ANKRD29: variants seen among roughly 807,000 people sequenced by gnomAD.
ANKRD29 encodes the protein ankyrin repeat domain 29, also known as ankyrin repeat domain-containing protein 29.
Under a neutral mutation model 38.0 loss-of-function variants are expected in ANKRD29, and 32 were observed. The observed-to-expected ratio is 0.84, with a 90% CI of 0.64 to 1.13. The LOEUF is 1.13. ANKRD29 is among the 50% of genes most tolerant of loss of function. The probability of loss-of-function intolerance (pLI) is 0.00; values close to 1 mark genes in which losing one functional copy is unlikely to be tolerated. For synonymous variants in ANKRD29, 135 were observed against 152.4 expected (o/e 0.89, Z 0.84); for missense variants, 357 against 377.9 (o/e 0.94, Z 0.46).
chr18:23,655,425 A>G (rs1417652136), intron 1 of ANKRD29, among the ~76,000 whole-genome samples: 1 of 152,132 alleles, frequency 6.6e-6, no homozygotes, highest in Non-Finnish European at 1.5e-5. Context: ...ACCCTGAAGG[A>G]AATATGAAAT....
intron 3 of ANKRD29, among the ~76,000 whole-genome samples, chr18:23,645,931 T>C (rs1568043441): frequency 6.7e-6 from 1 of 148,652 alleles, no homozygotes; most frequent in African/African-American, 2.5e-5. Flanking sequence ...TTAAGCTTGA[T>C]AAAAAAAAAA....
At chr18:23,657,581 C>T (rs769641396) in intron 1 of ANKRD29, among the ~76,000 whole-genome samples, 25 of 152,218 alleles carry the variant, frequency 1.6e-4, no homozygotes, top group Non-Finnish European at 2.5e-4. Context: ...AACAATCACT[C>T]GCCATCCCCT....
intron 1 of ANKRD29, among the ~76,000 whole-genome samples, chr18:23,657,870 T>C (rs553563900): frequency 6.6e-6 from 1 of 152,318 alleles, no homozygotes; most frequent in East Asian, 1.9e-4. Flanking sequence ...ACCACCAATG[T>C]CTTGCGAGCC....
chr18:23,616,775 TATA>T (rs2059728433), intron 8 of ANKRD29, among the ~76,000 whole-genome samples: 1 of 147,030 alleles, frequency 6.8e-6, no homozygotes, highest in Non-Finnish European at 1.5e-5. Flanking sequence ...TTACTATTAA[TATA>T]ATAAATAATA....
chr18:23,655,166 AG>A (rs2060262845), intron 1 of ANKRD29, among the ~76,000 whole-genome samples: 1 of 149,252 alleles, frequency 6.7e-6, no homozygotes, highest in South Asian at 2.2e-4. Flanking sequence ...TAAAATTTTA[AG>A]CCCCCCCACT....
intron 6 of ANKRD29, among the ~76,000 whole-genome samples, chr18:23,622,250 G>A (rs2059805750): frequency 6.6e-6 from 1 of 152,184 alleles, no homozygotes; most frequent in African/African-American, 2.4e-5. Context: ...GCTTGGACAG[G>A]CATGGCTCCT....
chr18:23,633,584 G>A (rs543382857), intron 5 of ANKRD29, among the ~76,000 whole-genome samples: 21 of 152,082 alleles, frequency 1.4e-4, no homozygotes, highest in African/African-American at 3.6e-4. Flanking sequence ...ATTTTTTGTC[G>A]GTGGGGGACA....
Position 23,662,827 on chromosome 18 carries a change from G to T in ANKRD29, c.-97C>A. On this transcript the variant is annotated 5_prime_UTR_variant, in exon 1 of 10. It adds an upstream start codon to the 5' untranslated region. Coordinates refer to ENST00000592179, the MANE Select transcript of ANKRD29 (RefSeq NM_173505.4). ...CTCCCGGGGCTCTCGGCGTTCCGCAGAGGGGCGGCCTCCGACGCCGCGCGC... is the reference window on the plus strand; with the variant it reads ...CTCCCGGGGCTCTCGGCGTTCCGCATAGGGGCGGCCTCCGACGCCGCGCGC... 3.5e-6 allele frequency: 4 copies of T among 1,140,406 alleles called. No homozygotes were observed. Among genetic ancestry groups the T allele is most frequent in the South Asian group, 3.7e-5 (1 of 27,196 alleles). The allele number at this position is 1,140,406 out of a possible 1,614,324, so 70.6% of individuals were successfully genotyped here.
chr18:23,637,351 C>T (rs2060015456), intron 4 of ANKRD29, among the ~76,000 whole-genome samples: 1 of 152,174 alleles, frequency 6.6e-6, no homozygotes, highest in Non-Finnish European at 1.5e-5. Flanking sequence ...TCAGAAAAGA[C>T]AAAACCTTAT....
chr18:23,613,889 C>T (rs1022537928), intron 8 of ANKRD29, among the ~76,000 whole-genome samples: 1 of 151,990 alleles, frequency 6.6e-6, no homozygotes, highest in African/African-American at 2.4e-5. Context: ...TGAGCCCCCA[C>T]GCCCAGCTAA....
At chr18:23,654,618 C>CA (rs1167970950) in intron 1 of ANKRD29, among the ~76,000 whole-genome samples, 1,136 of 48,370 alleles carry the variant, frequency 0.023, 10 homozygotes, top group East Asian at 0.05. Flanking sequence ...GACTCTGTCT[C>CA]AAAAAAAAAA....
intron 1 of ANKRD29, among the ~76,000 whole-genome samples, chr18:23,654,750 C>T (rs2060257371): frequency 3.3e-5 from 5 of 152,050 alleles, no homozygotes; most frequent in Admixed American, 2.6e-4. Context: ...TCCCTACTTG[C>T]CCCCTTCCAT....
rs529004701 is a variant in ANKRD29 at position 23,621,439 on chromosome 18, TG to T, written c.529-1811del. Among the ~76,000 whole-genome samples, 685 of 151,236 alleles carry T rather than the reference TG, an allele frequency of 4.5e-3. 8 individuals carry two copies. Among genetic ancestry groups the T allele is most frequent in the African/African-American group, 0.016 (665 of 41,394 alleles). On this transcript the variant is annotated intron_variant, in intron 6 of 9. Transcript: ENST00000592179. ...GTGCTGAAGAGCAGTCACAGGATGT[TG>T]GGACCTGTCTTGGGAGAGACAGTGG...
chr18:23,641,078 A>C (rs1758115178), intron 3 of ANKRD29, among the ~76,000 whole-genome samples: 1 of 152,056 alleles, frequency 6.6e-6, no homozygotes, highest in South Asian at 2.1e-4. Flanking sequence ...TCTAGAAAAA[A>C]AAAAGCCCCT....
intron 9 of ANKRD29, among the ~76,000 whole-genome samples, chr18:23,608,857 C>T (rs2059605043): frequency 1.3e-5 from 2 of 152,150 alleles, no homozygotes; most frequent in African/African-American, 2.4e-5. Flanking sequence ...TAGGGCCGGG[C>T]GCGGTGGCTC....
At chr18:23,629,639 G>A (rs1193674922) in intron 6 of ANKRD29, among the ~76,000 whole-genome samples, 1 of 152,240 alleles carries the variant, frequency 6.6e-6, no homozygotes, top group Non-Finnish European at 1.5e-5. Flanking sequence ...GTACTGAACT[G>A]TGATGTCAGC....
chr18:23,646,037 T>C (rs960545255), intron 3 of ANKRD29, 152 bp downstream of exon 3: 2 of 692,886 alleles, frequency 2.9e-6, no homozygotes, highest in Non-Finnish European at 4.8e-6. Flanking sequence ...AGTACGTTGC[T>C]GGACCTCATT....
chr18:23,633,243 C>T (rs550711540), intron 5 of ANKRD29, among the ~76,000 whole-genome samples: 6 of 152,328 alleles, frequency 3.9e-5, no homozygotes, highest in African/African-American at 1.4e-4. Context: ...GCAGTGGATG[C>T]CTTTCACAGG....
intron 8 of ANKRD29, among the ~76,000 whole-genome samples, chr18:23,616,150 T>C (rs746914704): frequency 6.7e-6 from 1 of 149,308 alleles, no homozygotes. Context: ...ACTCTACACA[T>C]ACTGTATGTA....
Sources: allele counts gnomAD v4.1 joint callset (sites outside exome capture counted in the v4.1 genomes callset), GRCh38; gene constraint gnomAD v4.1.1; transcripts MANE v1.5; gene names NCBI Gene and HGNC (gene_info 2026-07-23, HGNC 2026-07-21).